IQGAP1: variants seen among roughly 807,000 people sequenced by gnomAD.
The protein encoded by IQGAP1 is IQ motif containing GTPase activating protein 1.
Under a neutral mutation model 215.6 loss-of-function variants are expected in IQGAP1, and 66 were observed. The ratio of observed to expected loss-of-function variants is 0.31; its 90% CI spans 0.25 to 0.38. IQGAP1 has a LOEUF of 0.38. IQGAP1 is among the 10% of genes least tolerant of loss of function. The probability of loss-of-function intolerance (pLI) is 1.00; values close to 1 mark genes in which losing one functional copy is unlikely to be tolerated. For synonymous variants in IQGAP1, 772 were observed against 728.7 expected, an observed-to-expected ratio of 1.06 and a Z score of -0.96; for missense variants, 1,712 against 1,997.1, an observed-to-expected ratio of 0.86 and a Z score of 2.72.
At chr15:90,486,258 T>G (rs12439535) in intron 31 of IQGAP1, 126 bp downstream of exon 31, 8,316 of 597,804 alleles carry the variant, frequency 0.014, 362 homozygotes, top group East Asian at 0.13. Context: ...AAAATAGATG[T>G]GATCCTGATA....
intron 17 of IQGAP1, among the ~76,000 whole-genome samples, chr15:90,466,955 G>A (rs1250616897): frequency 4.6e-5 from 7 of 152,160 alleles, no homozygotes; most frequent in Non-Finnish European, 8.8e-5. Flanking sequence ...AGCTGAGTGT[G>A]GTGGCGTGTG....
intron 2 of IQGAP1, among the ~76,000 whole-genome samples, chr15:90,406,445 G>T (rs1037456149): frequency 6.6e-6 from 1 of 152,244 alleles, no homozygotes; most frequent in Non-Finnish European, 1.5e-5. Context: ...TTAGAGGCGT[G>T]AGCCACCGTG....
intron 18 of IQGAP1, among the ~76,000 whole-genome samples, chr15:90,468,165 T>C (rs1400977287): frequency 1.3e-5 from 2 of 151,900 alleles, no homozygotes; most frequent in African/African-American, 4.8e-5. Flanking sequence ...CCTCCCTGGG[T>C]TCAAGCGATT....
At chr15:90,390,994 G>GATTAC in intron 2 of IQGAP1, 121 bp downstream of exon 2, 1 of 666,594 alleles carries the variant, frequency 1.5e-6, no homozygotes, top group Non-Finnish European at 2.7e-6. Flanking sequence ...AACACGTTGG[G>GATTAC]AGGCCGAGGT....
chr15:90,495,788 C>T (rs7163632), intron 36 of IQGAP1, among the ~76,000 whole-genome samples: 27,970 of 149,942 alleles, frequency 0.19, 2,717 homozygotes, highest in South Asian at 0.23. Flanking sequence ...CAGGCATGCA[C>T]CACCACACCC....
intron 15 of IQGAP1, among the ~76,000 whole-genome samples, chr15:90,464,953 A>T (rs889740242): frequency 1.1e-4 from 16 of 152,208 alleles, no homozygotes; most frequent in African/African-American, 3.9e-4. Context: ...AAGCGCCTTT[A>T]AAAAAGAAAC....
At chr15:90,410,250 A>T (rs140269164) in intron 2 of IQGAP1, among the ~76,000 whole-genome samples, 1 of 152,156 alleles carries the variant, frequency 6.6e-6, no homozygotes, top group Non-Finnish European at 1.5e-5. Flanking sequence ...GGTATTTCCT[A>T]GTTCAACCAT....
In IQGAP1 at chr15:90,501,674, A is replaced by G. The variant is rs1966343529; in HGVS notation, c.*1566A>G. 2.0e-5 allele frequency: 3 copies of G among 152,164 alleles called. No individual in the cohort carries two copies. Among genetic ancestry groups the G allele is most frequent in the Admixed American group, 1.3e-4 (2 of 15,274 alleles). 9.4% of individuals were successfully genotyped at this position (152,164 alleles called of 1,614,324 possible). A position where few individuals can be genotyped will look rare whatever the true frequency, so the allele number is the denominator to read the frequency against. On this transcript the variant is annotated 3_prime_UTR_variant, in exon 38 of 38. Transcript: ENST00000268182. ...GAGTGCCATGGAAGGATTCGCCACT[A>G]CCCAGACCTTGTTTTTTGTTGTATT...
chr15:90,472,863 C>A lies in IQGAP1; in HGVS notation c.2202C>A (p.Ala734=), dbSNP rs374984449. 5 of 1,612,058 alleles carry A rather than the reference C, an allele frequency of 3.1e-6. No homozygotes were observed. In the South Asian group the frequency reaches 4.4e-5, roughly 14 times the overall value. Residue 734 remains alanine, a synonymous_variant, in exon 19 of 38, where the codon GCC becomes GCA. Transcript: ENST00000268182. ...AGAGTTCTATCTCTGGGGTGACTGC[C>A]GCATATAACCGAGAACAGCTGTGGC... ...EIQSSISGVT[A]AYNREQLWLA... is the part of the protein sequence containing the mutation.
intron 33 of IQGAP1, among the ~76,000 whole-genome samples, chr15:90,488,084 G>C (rs2151037872): frequency 6.6e-6 from 1 of 152,238 alleles, no homozygotes; most frequent in East Asian, 1.9e-4. Flanking sequence ...AGCCAGGCTA[G>C]GTGGTAGATG....
intron 2 of IQGAP1, among the ~76,000 whole-genome samples, chr15:90,395,560 T>A (rs1042064239): frequency 3.9e-5 from 6 of 152,198 alleles, no homozygotes; most frequent in African/African-American, 1.2e-4. Flanking sequence ...GACCTCGTGA[T>A]CCGCCCGCCT....
chr15:90,498,917 C>T (rs982601134), intron 37 of IQGAP1, among the ~76,000 whole-genome samples: 1 of 151,874 alleles, frequency 6.6e-6, no homozygotes, highest in Non-Finnish European at 1.5e-5. Context: ...TCAAGTGATT[C>T]TCCTGCCTCA....
intron 23 of IQGAP1, 33 bp downstream of exon 23, chr15:90,474,726 G>T: frequency 6.7e-7 from 1 of 1,500,604 alleles, no homozygotes; most frequent in South Asian, 1.1e-5. Flanking sequence ...GCCTTGGAAC[G>T]GTTCATCCTG....
intron 15 of IQGAP1, among the ~76,000 whole-genome samples, chr15:90,460,198 G>A (rs1351566650): frequency 6.6e-6 from 1 of 152,156 alleles, no homozygotes; most frequent in Non-Finnish European, 1.5e-5. Context: ...CTTCTCCATA[G>A]ACAGAGCAGC....
chr15:90,429,740 T>C, intron 4 of IQGAP1, 74 bp downstream of exon 4: 3 of 853,202 alleles, frequency 3.5e-6, no homozygotes, highest in Non-Finnish European at 5.6e-6. Flanking sequence ...CCTGTTCTCA[T>C]TCTACCTGTA....
At chr15:90,418,781 A>G (rs1965090248) in intron 2 of IQGAP1, among the ~76,000 whole-genome samples, 1 of 152,130 alleles carries the variant, frequency 6.6e-6, no homozygotes, top group Non-Finnish European at 1.5e-5. Context: ...GAACTTGAGC[A>G]TTTGTAAGGG....
At chr15:90,413,826 A>T (rs1965004008) in intron 2 of IQGAP1, among the ~76,000 whole-genome samples, 1 of 152,104 alleles carries the variant, frequency 6.6e-6, no homozygotes, top group Middle Eastern at 3.2e-3. Flanking sequence ...ATCCTGCTTT[A>T]TATATGGGAA....
intron 9 of IQGAP1, among the ~76,000 whole-genome samples, chr15:90,446,436 G>A (rs1965528941): frequency 6.6e-6 from 1 of 152,204 alleles, no homozygotes; most frequent in African/African-American, 2.4e-5. Flanking sequence ...AGAGCAAGAT[G>A]CCAAGAGCAC....
intron 15 of IQGAP1, among the ~76,000 whole-genome samples, chr15:90,457,389 GTTGTT>G (rs1372706614): frequency 6.6e-6 from 1 of 151,344 alleles, no homozygotes; most frequent in Non-Finnish European, 1.5e-5. Flanking sequence ...GAAGTTTTTT[GTTGTT>G]TTGTTTGTTT....
Sources: gnomAD v4.1 joint callset for allele counts (sites outside exome capture counted in the v4.1 genomes callset) on GRCh38, gnomAD v4.1.1 for gene constraint, MANE v1.5 for transcripts, NCBI Gene and HGNC (gene_info 2026-07-23, HGNC 2026-07-21) for gene names.